The following NRXN3 variants were observed in gnomAD, a reference collection of about 807,000 sequenced individuals.
The protein encoded by NRXN3 is neurexin III.
In NRXN3, 32 loss-of-function variants were observed where a neutral mutation model predicts 137.6. The ratio of observed to expected loss-of-function variants is 0.23; its 90% CI spans 0.18 to 0.31. The LOEUF is 0.31. Among genes scored for constraint, NRXN3 ranks in the 10% least tolerant of loss-of-function variants. The pLI is 1.00. For synonymous variants in NRXN3, 798 were observed against 784.5 expected (o/e 1.02, Z -0.29); for missense variants, 1,574 against 2,062.5 (o/e 0.76, Z 4.59).
At position 78,888,200 on chromosome 14, in the gene NRXN3, A is replaced by G. The variant is rs552740138; in HGVS notation, c.2276-69042A>G. Among the ~76,000 whole-genome samples, 6 of 152,190 alleles carry G rather than the reference A, an allele frequency of 3.9e-5. No individual in the cohort carries two copies. The South Asian group carries it at 1.2e-3, about 32-fold the overall frequency. Reference sequence around the variant, plus strand: ...CCTTCAGGCTTTGATTTATTTAGGAAACATTGGTGAACAATGGGATCATGA... The same window carrying G: ...CCTTCAGGCTTTGATTTATTTAGGAGACATTGGTGAACAATGGGATCATGA... On this transcript the variant is annotated intron_variant, in intron 10 of 20. Transcript: ENST00000335750.
At chr14:79,744,595 C>T (rs1161846447) in intron 19 of NRXN3, among the ~76,000 whole-genome samples, 1 of 152,192 alleles carries the variant, frequency 6.6e-6, no homozygotes, top group Non-Finnish European at 1.5e-5. Flanking sequence ...GCTTCGCTTG[C>T]TTCTAGGAAG....
rs1291239540 is a variant in NRXN3 at position 78,611,686 on chromosome 14, T to C, written c.758-33434T>C. On this transcript the variant is annotated intron_variant, in intron 4 of 20. Transcript: ENST00000335750. ...TCAGCAGCTGCATTGCAAGTCAGAT[T>C]TTCTAGCCCCTAGACAGGACTCTTT... is the stretch of plus-strand genomic sequence containing the variant. 2.0e-5 allele frequency among the ~76,000 whole-genome samples: 3 copies of C among 152,120 alleles called. No homozygotes were observed. In the East Asian group the frequency reaches 5.8e-4, roughly 29 times the overall value.
At chr14:79,655,528 G>T (rs221453) in intron 16 of NRXN3, among the ~76,000 whole-genome samples, 1 of 152,086 alleles carries the variant, frequency 6.6e-6, no homozygotes. Flanking sequence ...GAAAAGTACT[G>T]TCTGGAGAAT....
intron 8 of NRXN3, among the ~76,000 whole-genome samples, chr14:78,763,761 AGT>A (rs1326234935): frequency 3.3e-5 from 5 of 152,196 alleles, no homozygotes. Flanking sequence ...TGGGTCTCCC[AGT>A]GTTTCCCTGG....
chr14:78,710,570 C>A (rs2098398548), intron 7 of NRXN3, among the ~76,000 whole-genome samples: 4 of 152,164 alleles, frequency 2.6e-5, no homozygotes, highest in Admixed American at 2.6e-4. Flanking sequence ...CAAGAAGGGT[C>A]TTGGCTTCAT....
At chr14:79,601,483 A>T (rs777575308) in intron 16 of NRXN3, among the ~76,000 whole-genome samples, 7 of 152,160 alleles carry the variant, frequency 4.6e-5, no homozygotes, top group Non-Finnish European at 1.0e-4. Context: ...AAATAGCCTG[A>T]GCTTACCTCA....
chr14:78,399,353 A>T (rs1298394649), intron 4 of NRXN3, among the ~76,000 whole-genome samples: 1 of 152,216 alleles, frequency 6.6e-6, no homozygotes, highest in Non-Finnish European at 1.5e-5. Flanking sequence ...AAGGAATAGA[A>T]ACAAGCATGT....
chr14:78,814,762 C>T lies in NRXN3; in HGVS notation c.2275+4418C>T, dbSNP rs183038441. 2.0e-4 allele frequency among the ~76,000 whole-genome samples: 31 copies of T among 152,252 alleles called. No homozygotes were observed. The East Asian group carries it at 3.5e-3, about 17-fold the overall frequency. On this transcript the variant is annotated intron_variant, in intron 10 of 20. Coordinates refer to ENST00000335750, the MANE Select transcript of NRXN3 (RefSeq NM_001330195.2). ...GTTCTGAAAACAGGTATGAACTTCT[C>T]GTTGGTGTCATGAGTGCGCAAGTGA...
chr14:78,396,150 A>G (rs184577996), intron 4 of NRXN3, among the ~76,000 whole-genome samples: 2 of 149,800 alleles, frequency 1.3e-5, no homozygotes, highest in Admixed American at 1.3e-4. Context: ...TAGCTTTTTA[A>G]GTGATTGCTC....
At chr14:78,400,283 A>G (rs561215019) in intron 4 of NRXN3, among the ~76,000 whole-genome samples, 1 of 152,232 alleles carries the variant, frequency 6.6e-6, no homozygotes, top group Non-Finnish European at 1.5e-5. Context: ...TACAGCAGGC[A>G]AAAGTCAGAA....
chr14:78,898,716 T>C (rs1597142359), intron 10 of NRXN3, among the ~76,000 whole-genome samples: 2 of 151,902 alleles, frequency 1.3e-5, no homozygotes, highest in South Asian at 4.1e-4. Context: ...CATCTATCTT[T>C]TAAGCAAATT....
At chr14:78,931,015 A>C (rs2099320167) in intron 10 of NRXN3, among the ~76,000 whole-genome samples, 1 of 152,246 alleles carries the variant, frequency 6.6e-6, no homozygotes, top group Non-Finnish European at 1.5e-5. Context: ...CCTGATATTT[A>C]ATATAGTAAA....
rs185335156 is a variant in NRXN3, at chr14:78,792,172, G to A, written c.2045-11448G>A. Among the ~76,000 whole-genome samples, 20 of 95,932 alleles carry A rather than the reference G, an allele frequency of 2.1e-4. No individual in the cohort carries two copies. In the East Asian group the frequency reaches 5.3e-3, roughly 25 times the overall value. The allele number at this position is 95,932 out of a possible 152,430, so 62.9% of individuals were successfully genotyped here. A position where few individuals can be genotyped will look rare whatever the true frequency, so the allele number is the denominator to read the frequency against. On this transcript the variant is annotated intron_variant, in intron 8 of 20. Coordinates refer to ENST00000335750, the MANE Select transcript of NRXN3 (RefSeq NM_001330195.2). ...CAATTTGCATTATTGAATGACTCAA[G>A]AAAAATTGAATTCATGTCACAAGAA...
chr14:78,330,222 A>G (rs935330926), intron 4 of NRXN3, among the ~76,000 whole-genome samples: 1 of 152,196 alleles, frequency 6.6e-6, no homozygotes, highest in African/African-American at 2.4e-5. Flanking sequence ...GAGCTTGAGG[A>G]ATGGGTAAGT....
At chr14:78,937,597 A>G (rs957337512) in intron 10 of NRXN3, among the ~76,000 whole-genome samples, 1 of 152,216 alleles carries the variant, frequency 6.6e-6, no homozygotes, top group Non-Finnish European at 1.5e-5. Context: ...GTTCAAAATC[A>G]TATTTTTTAA....
At position 79,867,319 on chromosome 14, in the gene NRXN3, A is replaced by G. The variant is rs1346149648; in HGVS notation, c.*5355A>G. On this transcript the variant is annotated 3_prime_UTR_variant, in exon 21 of 21. Coordinates refer to ENST00000335750, the MANE Select transcript of NRXN3 (RefSeq NM_001330195.2). Reference sequence around the variant, plus strand: ...ACTGGGATTACCCTGGCAAAATACCACAGGCTGGGTAGACAACTGAAATGT... The same window carrying G: ...ACTGGGATTACCCTGGCAAAATACCGCAGGCTGGGTAGACAACTGAAATGT... The G allele has an allele frequency of 2.6e-5, 4 of 152,228 alleles. No individual in the cohort carries two copies. The highest frequency in any genetic ancestry group is 9.6e-5 in the African/African-American group (4 of 41,462). 9.4% of individuals were successfully genotyped at this position (152,228 alleles called of 1,614,324 possible).
intron 6 of NRXN3, among the ~76,000 whole-genome samples, chr14:78,664,669 C>T (rs1386786075): frequency 2.0e-5 from 3 of 152,194 alleles, no homozygotes; most frequent in African/African-American, 4.8e-5. Context: ...TTATTATATG[C>T]TCCTATAGCT....
intron 15 of NRXN3, among the ~76,000 whole-genome samples, chr14:79,348,870 C>T (rs1052638305): frequency 2.6e-5 from 4 of 152,194 alleles, no homozygotes; most frequent in Non-Finnish European, 5.9e-5. Context: ...CATCACATTT[C>T]ATAGGGCGAT....
chr14:78,269,324 G>A (rs2072323656), intron 2 of NRXN3, among the ~76,000 whole-genome samples: 1 of 152,218 alleles, frequency 6.6e-6, no homozygotes, highest in African/African-American at 2.4e-5. Flanking sequence ...ATTATGCTAA[G>A]TGGAATAAGC....
Sources: allele counts gnomAD v4.1 joint callset (sites outside exome capture counted in the v4.1 genomes callset), GRCh38; gene constraint gnomAD v4.1.1; transcripts MANE v1.5; gene names NCBI Gene and HGNC (gene_info 2026-07-23, HGNC 2026-07-21).